Variants in ATG9A observed in about 807,000 individuals in gnomAD.
ATG9A encodes the protein autophagy related 9A, also known as autophagy-related protein 9A.
In ATG9A, 21 loss-of-function variants were observed where a neutral mutation model predicts 87.1. The observed-to-expected ratio is 0.24, with a 90% CI of 0.17 to 0.35. The LOEUF (loss-of-function observed/expected upper bound fraction) is 0.35, where lower values mean the gene tolerates loss of function less well. Ranked by LOEUF, ATG9A falls within the 10% of genes least tolerant of loss-of-function variation. The probability of loss-of-function intolerance (pLI) is 1.00; values close to 1 mark genes in which losing one functional copy is unlikely to be tolerated. For missense variants in ATG9A, 836 were observed against 1,107.3 expected (o/e 0.76, Z 3.48); for synonymous variants, 422 against 441.3 (o/e 0.96, Z 0.55).
At position 219,221,196 on chromosome 2, in the gene ATG9A, C is replaced by G; in HGVS notation, c.2252G>C (p.Arg751Pro). 6.3e-7 allele frequency: 1 copy of G among 1,593,114 alleles called. No homozygotes were observed. The highest frequency in any genetic ancestry group is 1.1e-5 in the South Asian group (1 of 88,210). Reference sequence around the variant, plus strand: ...AGAGCGAGGGATAGACTGGGGGGCCCGGGCGCCCTCTCCCCCTTCATCAGG... The same window carrying G: ...AGAGCGAGGGATAGACTGGGGGGCCGGGGCGCCCTCTCCCCCTTCATCAGG... ...SAPDEGGEGA[R>P]APQSIPRSAS... Residue 751 changes from arginine (R) to proline (P), a missense_variant, in exon 14 of 16, where the codon CGG (arginine) becomes CCG (proline). By Grantham distance (103) the Arg-to-Pro change is moderately radical. Transcript: ENST00000361242.
At chr2:219,225,327 G>A (rs999174468) in intron 6 of ATG9A, 84 bp downstream of exon 6, 33 of 1,593,840 alleles carry the variant, frequency 2.1e-5, no homozygotes, top group Middle Eastern at 1.7e-4. Context: ...TCTGGAGTAT[G>A]AGTTGCTGCC....
intron 15 of ATG9A, 133 bp downstream of exon 15, chr2:219,220,614 T>G: frequency 6.8e-7 from 1 of 1,467,844 alleles, no homozygotes; most frequent in East Asian, 2.3e-5. Flanking sequence ...AAAGAAGGGG[T>G]AGTGTGTTTT....
chr2:219,223,686 C>G lies in ATG9A; in HGVS notation c.1498G>C (p.Glu500Gln). Reference protein sequence around the residue: ...LIFCLRPRALEIIDFFRNFTV... With the variant: ...LIFCLRPRALQIIDFFRNFTV... ...AAGTTTCGGAAGAAGTCTATAATCT[C>G]CAGGGCCCGTGGGCGCAGGCAGAAG... is the stretch of plus-strand genomic sequence containing the variant. The change falls in exon 10 of 16, where the codon GAG (glutamate) becomes CAG (glutamine). Residue 500 changes from glutamate to glutamine, a missense_variant. This residue lies in a region of ATG9A where 512 missense variants were observed against 759.6 expected (regional missense o/e 0.67). Coordinates refer to ENST00000361242, the MANE Select transcript of ATG9A (RefSeq NM_001077198.3). This position sits in a 1 kb window ranked among gnomAD's most constrained non-coding sequence, Gnocchi z 4.7. 6.2e-7 allele frequency: 1 copy of G among 1,613,892 alleles called. No homozygotes were observed. The highest frequency in any genetic ancestry group is 8.5e-7 in the Non-Finnish European group (1 of 1,179,992).
chr2:219,220,167 G>A lies in ATG9A; in HGVS notation c.*280C>T. 1 of 497,270 alleles carries A rather than the reference G, an allele frequency of 2.0e-6. No homozygotes were observed. Among genetic ancestry groups the A allele is most frequent in the Non-Finnish European group, 3.6e-6 (1 of 275,678 alleles). The allele number at this position is 497,270 out of a possible 1,614,324, so 30.8% of individuals were successfully genotyped here. ...GTAGGTGTAAAGGTGGCAGTACTGG[G>A]GCTGGGCTGGGGGCCAGTTTCTAGC... On this transcript the variant is annotated 3_prime_UTR_variant, in exon 16 of 16. Transcript: ENST00000361242.
Position 219,222,951 on chromosome 2 carries a change from C to G in ATG9A, c.1600-58G>C. 6.3e-7 allele frequency: 1 copy of G among 1,599,106 alleles called. No homozygotes were observed. The highest frequency in any genetic ancestry group is 1.1e-5 in the South Asian group (1 of 90,128). ...TTCTCTTCCAGGAGCCTTCCTGCAC[C>G]TTTCCTGTTAGTGGGGAGGCCTTAC... On this transcript the variant is annotated intron_variant, in intron 10 of 15. Coordinates refer to ENST00000361242, the MANE Select transcript of ATG9A (RefSeq NM_001077198.3). This position sits in a 1 kb window ranked among gnomAD's most constrained non-coding sequence, Gnocchi z 4.3.
In ATG9A at chr2:219,225,240, G is replaced by C. The variant is rs1950837563; in HGVS notation, c.375-28C>G. On this transcript the variant is annotated intron_variant, in intron 6 of 15. Coordinates refer to ENST00000361242, the MANE Select transcript of ATG9A (RefSeq NM_001077198.3). ...GGTGGGGAAAAAGAAGGGGAGGAGA[G>C]GTGGCCCTCGAGGAAGGAGTCTTGG... 2.5e-6 allele frequency: 4 copies of C among 1,613,566 alleles called. No homozygotes were observed. The East Asian group carries it at 8.9e-5, about 36-fold the overall frequency.
Position 219,224,812 on chromosome 2 carries a change from T to A in ATG9A, c.559A>T (p.Ile187Phe). Residue 187 changes from isoleucine to phenylalanine, a missense_variant, in exon 8 of 16, where the codon ATC becomes TTC. By Grantham distance (21) the Ile-to-Phe change is conservative. Transcript: ENST00000361242. The surrounding 1 kb of genome is among the most constrained non-coding windows in gnomAD (Gnocchi z 7.7). ...TGGTGCTCCTTCTGCGTCTGCACGATCCGGGCCTGCACTTCTTGCCACGTG... is the reference window on the plus strand; with the variant it reads ...TGGTGCTCCTTCTGCGTCTGCACGAACCGGGCCTGCACTTCTTGCCACGTG... ...YCTWQEVQARIVQTQKEHQIC... is the reference protein window; with the variant it reads ...YCTWQEVQARFVQTQKEHQIC... 1 of 1,614,100 alleles carries A rather than the reference T, an allele frequency of 6.2e-7. No homozygotes were observed. The highest frequency in any genetic ancestry group is 8.5e-7 in the Non-Finnish European group (1 of 1,180,032).
rs1054773527 is a variant in ATG9A, at chr2:219,229,485, C to T, written c.-82+50G>A. The T allele has an allele frequency of 6.6e-6, 1 of 152,602 alleles. No homozygotes were observed. The highest frequency in any genetic ancestry group is 1.5e-5 in the Non-Finnish European group (1 of 68,022). 9.5% of individuals were successfully genotyped at this position (152,602 alleles called of 1,614,324 possible). A position where few individuals can be genotyped will look rare whatever the true frequency, so the allele number is the denominator to read the frequency against. On this transcript the variant is annotated intron_variant, in intron 1 of 15. Coordinates refer to ENST00000361242, the MANE Select transcript of ATG9A (RefSeq NM_001077198.3). The surrounding 1 kb of genome is among the most constrained non-coding windows in gnomAD (Gnocchi z 4.2). The stretch of plus-strand genomic sequence containing the variant: ...TTAGGGCTCCGCAGGCACCCCTGGG[C>T]AAGGCCAGACACGGGGCCTGGGATT...
chr2:219,223,557 G>T lies in ATG9A; in HGVS notation c.1599+28C>A. Reference sequence around the variant, plus strand: ...ACTGTATGTTCCAGCATCATCCCAGGCCACCTGGCTCCCTCCTCTCCCAGT... The same window carrying T: ...ACTGTATGTTCCAGCATCATCCCAGTCCACCTGGCTCCCTCCTCTCCCAGT... On this transcript the variant is annotated intron_variant, in intron 10 of 15. Coordinates refer to ENST00000361242, the MANE Select transcript of ATG9A (RefSeq NM_001077198.3). The surrounding 1 kb of genome is among the most constrained non-coding windows in gnomAD (Gnocchi z 4.7). 1 of 1,569,784 alleles carries T rather than the reference G, an allele frequency of 6.4e-7. No individual in the cohort carries two copies. Among genetic ancestry groups the T allele is most frequent in the Non-Finnish European group, 8.6e-7 (1 of 1,158,188 alleles).
In ATG9A at chr2:219,222,876, C is replaced by G; in HGVS notation, c.1617G>C (p.Gln539His). Residue 539 changes from glutamine (Q) to histidine (H), a missense_variant, in exon 11 of 16, where the codon CAG becomes CAC. Transcript: ENST00000361242. This position sits in a 1 kb window ranked among gnomAD's most constrained non-coding sequence, Gnocchi z 4.3. ...HGHPQWLSAG[Q>H]TEASVYQQAE... Reference sequence around the variant, plus strand: ...CTTGCTGGTACACTGAGGCCTCTGTCTGCCCAGCAGATAGCCACTGCACAA... The same window carrying G: ...CTTGCTGGTACACTGAGGCCTCTGTGTGCCCAGCAGATAGCCACTGCACAA... The G allele has an allele frequency of 1.2e-6, 2 of 1,614,092 alleles. No individual in the cohort carries two copies. Among genetic ancestry groups the G allele is most frequent in the Non-Finnish European group, 1.7e-6 (2 of 1,180,018 alleles).
chr2:219,226,817 A>G, intron 5 of ATG9A, 52 bp downstream of exon 5: 3 of 1,539,914 alleles, frequency 1.9e-6, no homozygotes, highest in South Asian at 2.2e-5. Flanking sequence ...CAAGGAGAGG[A>G]AAGACTAAGA....
rs190418139 is a variant in ATG9A at position 219,223,743 on chromosome 2, G to A, written c.1441C>T (p.Leu481=). The change falls in exon 10 of 16, where the codon CTG becomes TTG. Residue 481 remains leucine, a synonymous_variant. Transcript: ENST00000361242. The surrounding 1 kb of genome is among the most constrained non-coding windows in gnomAD (Gnocchi z 4.7). Reference sequence around the variant, plus strand: ...ATGAGGGGTGTGACAATGGGGCTCAGCAACTCTTCCAAAATGAACACCTAA... The same window carrying A: ...ATGAGGGGTGTGACAATGGGGCTCAACAACTCTTCCAAAATGAACACCTAA... ...YKAVFILEEL[L]SPIVTPLILI... 1.5e-5 allele frequency: 25 copies of A among 1,613,102 alleles called. No homozygotes were observed. In the African/African-American group the frequency reaches 2.8e-4, roughly 18 times the overall value.
In ATG9A at chr2:219,221,073, TGG is replaced by T. The variant is rs1194440164; in HGVS notation, c.2368+5_2368+6del. The T allele has an allele frequency of 3.1e-6, 5 of 1,612,482 alleles. No individual in the cohort carries two copies. In the East Asian group the frequency reaches 8.9e-5, roughly 29 times the overall value. The stretch of plus-strand genomic sequence containing the variant: ...CCTCTGTTTCCTCCTATACCCCCAC[TGG>T]ATACCTGTGATGCCACCGTAGCGCC... On this transcript the variant is annotated splice_donor_5th_base_variant and intron_variant, in intron 14 of 15. Coordinates refer to ENST00000361242, the MANE Select transcript of ATG9A (RefSeq NM_001077198.3).
intron 5 of ATG9A, among the ~76,000 whole-genome samples, chr2:219,226,570 C>T (rs896573760): frequency 2.0e-5 from 3 of 152,030 alleles, no homozygotes; most frequent in African/African-American, 7.2e-5. Flanking sequence ...TGCCTGTAGT[C>T]CCAGCTACTA....
intron 5 of ATG9A, among the ~76,000 whole-genome samples, chr2:219,226,600 A>C (rs1164406545): frequency 6.6e-6 from 1 of 152,072 alleles, no homozygotes; most frequent in African/African-American, 2.4e-5. Context: ...AGGCAGGAGA[A>C]TCACTTGAAC....
In ATG9A at chr2:219,223,145, T is replaced by G. The variant is rs1950797163; in HGVS notation, c.1600-252A>C. Among the ~76,000 whole-genome samples the G allele has an allele frequency of 6.7e-6, 1 of 150,028 alleles. No individual in the cohort carries two copies. The highest frequency in any genetic ancestry group is 2.5e-5 in the African/African-American group (1 of 40,500). On this transcript the variant is annotated intron_variant, in intron 10 of 15. Coordinates refer to ENST00000361242, the MANE Select transcript of ATG9A (RefSeq NM_001077198.3). This position sits in a 1 kb window ranked among gnomAD's most constrained non-coding sequence, Gnocchi z 4.7. ...CTCTGTCGCCCAGGCTGGATTGCAG[T>G]GGCGTGATCTCGGCTCACTGCAAGC... is the stretch of plus-strand genomic sequence containing the variant.
Position 219,221,196 on chromosome 2 carries a change from C to T in ATG9A, c.2252G>A (p.Arg751Gln), listed in dbSNP as rs762414116. 23 of 1,592,998 alleles carry T rather than the reference C, an allele frequency of 1.4e-5. No individual in the cohort carries two copies. The highest frequency in any genetic ancestry group is 3.4e-4 in the Middle Eastern group (2 of 5,962). Residue 751 changes from arginine to glutamine, a missense_variant, in exon 14 of 16, where the codon CGG (arginine) becomes CAG (glutamine). Physicochemically the swap from Arg to Gln is conservative, Grantham distance 43. This residue lies in a region of ATG9A where 324 missense variants were observed against 347.6 expected (regional missense o/e 0.93). Coordinates refer to ENST00000361242, the MANE Select transcript of ATG9A (RefSeq NM_001077198.3). The part of the protein sequence containing the change: ...SAPDEGGEGA[R>Q]APQSIPRSAS... Reference sequence around the variant, plus strand: ...AGAGCGAGGGATAGACTGGGGGGCCCGGGCGCCCTCTCCCCCTTCATCAGG... The same window carrying T: ...AGAGCGAGGGATAGACTGGGGGGCCTGGGCGCCCTCTCCCCCTTCATCAGG...
chr2:219,225,175 T>C lies in ATG9A; in HGVS notation c.412A>G (p.Ile138Val), dbSNP rs771135572. 6.2e-7 allele frequency: 1 copy of C among 1,614,152 alleles called. No homozygotes were observed. Among genetic ancestry groups the C allele is most frequent in the Non-Finnish European group, 8.5e-7 (1 of 1,180,026 alleles). The change falls in exon 7 of 16, where the codon ATT becomes GTT. Residue 138 changes from isoleucine to valine, a missense_variant. Around this residue, in one of 2 missense-constraint regions of ATG9A, gnomAD observed 512 missense variants for 759.6 expected, o/e 0.67. Coordinates refer to ENST00000361242, the MANE Select transcript of ATG9A (RefSeq NM_001077198.3). ...CGGTGGATCCAGAAGACACCAGCAA[T>C]GACCAGGATGGTGATAAGGGAGCCA... ...ENGSLITILV[I>V]AGVFWIHRLI...
Position 219,221,178 on chromosome 2 carries a change from G to C in ATG9A, c.2270C>G (p.Pro757Arg). The part of the protein sequence containing the change: ...GEGARAPQSI[P>R]RSASYPCAAP... ...TGCACAGGGATAGCTAGCAGAGCGA[G>C]GGATAGACTGGGGGGCCCGGGCGCC... The change falls in exon 14 of 16, where the codon CCT becomes CGT. Residue 757 changes from proline (P) to arginine (R), a missense_variant. By Grantham distance (103) the Pro-to-Arg change is moderately radical. Around this residue, in one of 2 missense-constraint regions of ATG9A, gnomAD observed 324 missense variants for 347.6 expected, o/e 0.93. Coordinates refer to ENST00000361242, the MANE Select transcript of ATG9A (RefSeq NM_001077198.3). 1 of 1,600,788 alleles carries C rather than the reference G, an allele frequency of 6.2e-7. No homozygotes were observed.
Sources: allele counts gnomAD v4.1 joint callset (sites outside exome capture counted in the v4.1 genomes callset), GRCh38; gene constraint gnomAD v4.1.1; regional missense constraint gnomAD v4.1.1; non-coding constraint Gnocchi (gnomAD v3.1); transcripts MANE v1.5; gene names NCBI Gene and HGNC (gene_info 2026-07-23, HGNC 2026-07-21).